The following PAPSS2 variants were observed in gnomAD, a reference collection of about 807,000 sequenced individuals.
PAPSS2 encodes the protein 3'-phosphoadenosine 5'-phosphosulfate synthase 2, also known as bifunctional 3'-phosphoadenosine 5'-phosphosulfate synthase 2.
Under a neutral mutation model 66.5 loss-of-function variants are expected in PAPSS2, and 61 were observed. That is an observed-to-expected ratio of 0.92 (90% CI 0.75 to 1.14). The LOEUF is 1.14. Ranked by LOEUF, PAPSS2 falls within the 50% of genes most tolerant of loss-of-function variation. PAPSS2 has a pLI of 0.00. For synonymous variants in PAPSS2, 289 were observed against 287.5 expected (o/e 1.01, Z -0.05); for missense variants, 708 against 789.6 (o/e 0.90, Z 1.24).
chr10:87,743,454 T>C lies in PAPSS2; in HGVS notation c.1304T>C (p.Leu435Pro), dbSNP rs1853896215. The change falls in exon 11 of 13, where the codon CTA becomes CCA. Residue 435 changes from leucine to proline, a missense_variant. By Grantham distance (98) the Leu-to-Pro change is moderately conservative (BLOSUM62 -3). Transcript: ENST00000456849. ...LLMQDTRRRLLERGYKHPVLL... is the reference protein window; with the variant it reads ...LLMQDTRRRLPERGYKHPVLL... ...ATGCAGGACACTCGCCGCAGGCTCC[T>C]AGAGAGGGGCTACAAGCACCCGGTC... The C allele has an allele frequency of 1.2e-6, 2 of 1,613,978 alleles. No homozygotes were observed. Among genetic ancestry groups the C allele is most frequent in the African/African-American group, 1.3e-5 (1 of 74,894 alleles).
chr10:87,692,824 G>A (rs948239677), intron 1 of PAPSS2, among the ~76,000 whole-genome samples: 2 of 152,196 alleles, frequency 1.3e-5, no homozygotes, highest in Non-Finnish European at 2.9e-5. Context: ...GGTAGCCCGC[G>A]AGGTTGAGTC....
At position 87,727,467 on chromosome 10, in the gene PAPSS2, G is replaced by C. The variant is rs1395925746; in HGVS notation, c.1064G>C (p.Cys355Ser). The change falls in exon 9 of 13, where the codon TGT becomes TCT. Residue 355 changes from cysteine to serine, a missense_variant. Physicochemically the swap from Cys to Ser is moderately radical, Grantham distance 112. Transcript: ENST00000456849. The stretch of plus-strand genomic sequence containing the variant: ...TGTTCCCGTGTTTGGGGGACAACAT[G>C]TACAAAACACCCCCATATCAAAGTA... ...ERCSRVWGTT[C>S]TKHPHIKMVM... is the part of the protein sequence containing the mutation. The C allele has an allele frequency of 6.2e-7, 1 of 1,613,252 alleles. No homozygotes were observed. The highest frequency in any genetic ancestry group is 8.5e-7 in the Non-Finnish European group (1 of 1,179,622).
At chr10:87,683,487 T>A (rs1235661919) in intron 1 of PAPSS2, among the ~76,000 whole-genome samples, 1 of 152,244 alleles carries the variant, frequency 6.6e-6, no homozygotes, top group African/African-American at 2.4e-5. Context: ...ATATTCATCC[T>A]CTATTCTATC....
Position 87,747,057 on chromosome 10 carries a change from A to G in PAPSS2, c.*1087A>G, listed in dbSNP as rs1853950175. The G allele has an allele frequency of 6.6e-6, 1 of 152,182 alleles. No homozygotes were observed. The highest frequency in any genetic ancestry group is 2.1e-4 in the South Asian group (1 of 4,830). The allele number at this position is 152,182 out of a possible 1,614,324, so 9.4% of individuals were successfully genotyped here. On this transcript the variant is annotated 3_prime_UTR_variant, in exon 13 of 13. Transcript: ENST00000456849. ...TGGTGCCCTGTCTACACCAGACAAC[A>G]CAGGAGCTGGGTCAGATTCCCCTCA...
intron 1 of PAPSS2, among the ~76,000 whole-genome samples, chr10:87,673,894 T>G (rs1330037899): frequency 6.6e-6 from 1 of 152,068 alleles, no homozygotes; most frequent in Non-Finnish European, 1.5e-5. Context: ...CATATCTGAA[T>G]TTTTGTTCTA....
intron 1 of PAPSS2, among the ~76,000 whole-genome samples, chr10:87,691,205 C>T (rs563116304): frequency 2.6e-5 from 4 of 152,280 alleles, no homozygotes; most frequent in South Asian, 2.1e-4. Flanking sequence ...GCATCTGGCT[C>T]GCTACCTTTG....
chr10:87,683,321 G>GACCTCAGGTGATCCACCC (rs770613274), intron 1 of PAPSS2, among the ~76,000 whole-genome samples: 2 of 152,088 alleles, frequency 1.3e-5, no homozygotes, highest in African/African-American at 2.4e-5. Context: ...TTGAACTCCT[G>GACCTCAGGTGATCCACCC]ACCTCAGGTG....
intron 1 of PAPSS2, among the ~76,000 whole-genome samples, chr10:87,683,468 A>G (rs917857643): frequency 1.1e-4 from 16 of 152,204 alleles, no homozygotes; most frequent in African/African-American, 3.6e-4. Flanking sequence ...GTGCAAGGGA[A>G]TATGCCTTAT....
At chr10:87,705,710 A>C (rs1853373894) in intron 1 of PAPSS2, among the ~76,000 whole-genome samples, 1 of 151,706 alleles carries the variant, frequency 6.6e-6, no homozygotes, top group Non-Finnish European at 1.5e-5. Flanking sequence ...TTTCCATTTT[A>C]AAATATTGGG....
At chr10:87,726,889 A>G (rs944531434) in intron 8 of PAPSS2, among the ~76,000 whole-genome samples, 15 of 152,218 alleles carry the variant, frequency 9.9e-5, no homozygotes, top group Middle Eastern at 3.2e-3. Flanking sequence ...AAGAAAGACT[A>G]GAGAGTTTTG....
intron 1 of PAPSS2, among the ~76,000 whole-genome samples, chr10:87,694,261 T>C (rs1163950545): frequency 1.3e-5 from 2 of 152,234 alleles, no homozygotes; most frequent in African/African-American, 2.4e-5. Context: ...CTTAGCTGGA[T>C]CTTATCAGGA....
At chr10:87,706,140 G>GTATA (rs1227590809) in intron 1 of PAPSS2, among the ~76,000 whole-genome samples, 4 of 113,230 alleles carry the variant, frequency 3.5e-5, no homozygotes, top group African/African-American at 1.5e-4. Flanking sequence ...GTGTGTGTGT[G>GTATA]TATATATATA....
At chr10:87,681,265 C>G (rs994864425) in intron 1 of PAPSS2, among the ~76,000 whole-genome samples, 1 of 152,198 alleles carries the variant, frequency 6.6e-6, no homozygotes, top group Non-Finnish European at 1.5e-5. Flanking sequence ...TCAACTTGAG[C>G]ATTCATGAGC....
intron 1 of PAPSS2, among the ~76,000 whole-genome samples, chr10:87,696,379 G>A (rs1192376481): frequency 2.0e-5 from 3 of 152,132 alleles, no homozygotes; most frequent in African/African-American, 4.8e-5. Context: ...TATAATAGGA[G>A]GCTTGAGGAC....
intron 1 of PAPSS2, among the ~76,000 whole-genome samples, chr10:87,694,831 A>G (rs1467051808): frequency 6.6e-6 from 1 of 152,234 alleles, no homozygotes; most frequent in Non-Finnish European, 1.5e-5. Flanking sequence ...AAATCAGTAA[A>G]GGGGCTCTGG....
At chr10:87,697,061 A>G (rs2131918621) in intron 1 of PAPSS2, among the ~76,000 whole-genome samples, 1 of 152,286 alleles carries the variant, frequency 6.6e-6, no homozygotes, top group African/African-American at 2.4e-5. Flanking sequence ...ATCCCATGTT[A>G]CATTTAGTTT....
At chr10:87,687,428 A>T (rs1042414476) in intron 1 of PAPSS2, among the ~76,000 whole-genome samples, 1 of 152,216 alleles carries the variant, frequency 6.6e-6, no homozygotes, top group African/African-American at 2.4e-5. Context: ...TGGTTGAAGG[A>T]TTCAAATTCT....
chr10:87,734,663 G>GTATATATATATATA (rs66686947), intron 9 of PAPSS2, among the ~76,000 whole-genome samples: 7 of 81,106 alleles, frequency 8.6e-5, no homozygotes, highest in Non-Finnish European at 1.3e-4. Context: ...GAATGTGTGT[G>GTATATATATATATA]TATATATATA....
At chr10:87,691,183 A>C (rs1296006584) in intron 1 of PAPSS2, among the ~76,000 whole-genome samples, 1 of 152,176 alleles carries the variant, frequency 6.6e-6, no homozygotes, top group Non-Finnish European at 1.5e-5. Context: ...ATCCTCTTCC[A>C]AGACTATCTC....
Sources: allele counts gnomAD v4.1 joint callset (sites outside exome capture counted in the v4.1 genomes callset), GRCh38; gene constraint gnomAD v4.1.1; transcripts MANE v1.5; gene names NCBI Gene and HGNC (gene_info 2026-07-23, HGNC 2026-07-21).